The following LHFPL3 variants were observed in gnomAD, a reference collection of about 807,000 sequenced individuals.
The protein encoded by LHFPL3 is LHFPL tetraspan subfamily member 3 protein.
A neutral mutation model predicts 19.3 loss-of-function variants in LHFPL3; 5 were observed. The observed-to-expected ratio is 0.26, with a 90% CI of 0.14 to 0.54. The LOEUF (loss-of-function observed/expected upper bound fraction) is 0.54. Ranked by LOEUF, LHFPL3 falls within the 20% of genes least tolerant of loss-of-function variation. The pLI, the probability that LHFPL3 is intolerant of heterozygous loss-of-function variation, is 0.94. For synonymous variants in LHFPL3, 133 were observed against 126.2 expected, an observed-to-expected ratio of 1.05 and a Z score of -0.36; for missense variants, 249 against 307.4, an observed-to-expected ratio of 0.81 and a Z score of 1.42.
chr7:104,413,385 A>G (rs1791568242), intron 1 of LHFPL3, among the ~76,000 whole-genome samples: 2 of 152,144 alleles, frequency 1.3e-5, no homozygotes, highest in South Asian at 4.1e-4. Context: ...TTCACCATCC[A>G]TCTAAAAACA....
intron 1 of LHFPL3, among the ~76,000 whole-genome samples, chr7:104,624,238 A>G (rs1022363126): frequency 1.3e-5 from 2 of 152,222 alleles, no homozygotes; most frequent in African/African-American, 4.8e-5. Flanking sequence ...TCTCCAAAAC[A>G]TTCAGGATGT....
rs1037869117 is a variant in LHFPL3 at position 104,529,117 on chromosome 7, G to A, written c.445+199893G>A. On this transcript the variant is annotated intron_variant, in intron 1 of 2. Coordinates refer to ENST00000424859, the MANE Select transcript of LHFPL3 (RefSeq NM_199000.3). ...TGCTTCCTTCCCGAGAGGCCCAGGA[G>A]ATGGCTTATTACCTCTTTTGATTCT... Among the ~76,000 whole-genome samples the A allele has an allele frequency of 2.0e-5, 3 of 152,158 alleles. No individual in the cohort carries two copies. The South Asian group carries it at 6.2e-4, about 32-fold the overall frequency.
chr7:104,718,058 A>G (rs1398514806), intron 1 of LHFPL3, among the ~76,000 whole-genome samples: 1 of 152,214 alleles, frequency 6.6e-6, no homozygotes, highest in Non-Finnish European at 1.5e-5. Flanking sequence ...AGCCAGTCAC[A>G]GAAGGACAAA....
At chr7:104,358,460 C>T (rs906218027) in intron 1 of LHFPL3, among the ~76,000 whole-genome samples, 10 of 152,234 alleles carry the variant, frequency 6.6e-5, no homozygotes, top group East Asian at 3.9e-4. Flanking sequence ...TGTTTTAGCA[C>T]GGGATTTACC....
rs187509835 is a variant in LHFPL3 at position 104,664,278 on chromosome 7, T to C, written c.446-72397T>C. The stretch of plus-strand genomic sequence containing the variant: ...TACATTAGGCAGTCTTGTACCAAAT[T>C]AGCCATTTTACTCAAATATTCTTTC... On this transcript the variant is annotated intron_variant, in intron 1 of 2. Transcript: ENST00000424859. Among the ~76,000 whole-genome samples, 86 of 151,596 alleles carry C rather than the reference T, an allele frequency of 5.7e-4. 2 individuals are homozygous for C. The highest frequency in any genetic ancestry group is 5.3e-3 in the Admixed American group (80 of 15,154).
chr7:104,535,090 T>A (rs2115856554), intron 1 of LHFPL3, among the ~76,000 whole-genome samples: 1 of 152,322 alleles, frequency 6.6e-6, no homozygotes, highest in African/African-American at 2.4e-5. Context: ...TCCTAACCCA[T>A]GTTCCAGCTG....
At chr7:104,670,923 A>T (rs1214308644) in intron 1 of LHFPL3, among the ~76,000 whole-genome samples, 3 of 151,172 alleles carry the variant, frequency 2.0e-5, no homozygotes, top group Non-Finnish European at 4.4e-5. Flanking sequence ...AGAACTATTT[A>T]ACAAGGTCCT....
Position 104,593,862 on chromosome 7 carries a change from C to T in LHFPL3, c.446-142813C>T, listed in dbSNP as rs184749539. On this transcript the variant is annotated intron_variant, in intron 1 of 2. Transcript: ENST00000424859. ...TCTGTTTTATCAGATACTAGGATTG[C>T]GACCCCTGCTTTTTTTTTGCATTCC... Among the ~76,000 whole-genome samples the T allele has an allele frequency of 2.7e-3, 404 of 149,320 alleles. 1 individual carries two copies. Among genetic ancestry groups the T allele is most frequent in the African/African-American group, 9.4e-3 (385 of 40,910 alleles).
chr7:104,846,053 GA>G (rs1376119878), intron 2 of LHFPL3, among the ~76,000 whole-genome samples: 1 of 152,196 alleles, frequency 6.6e-6, no homozygotes, highest in Non-Finnish European at 1.5e-5. Flanking sequence ...GACTACGAAG[GA>G]AAAAGAATAA....
chr7:104,341,707 C>A (rs1232494057), intron 1 of LHFPL3, among the ~76,000 whole-genome samples: 1 of 152,146 alleles, frequency 6.6e-6, no homozygotes, highest in Non-Finnish European at 1.5e-5. Flanking sequence ...AGCCCCAGTT[C>A]ACTTTGCTGA....
chr7:104,507,347 A>G (rs1318679104), intron 1 of LHFPL3, among the ~76,000 whole-genome samples: 1 of 147,356 alleles, frequency 6.8e-6, no homozygotes, highest in African/African-American at 2.5e-5. Context: ...GAGAAAAACA[A>G]GCACTGGGGA....
chr7:104,897,330 G>C (rs1792386649), intron 2 of LHFPL3, among the ~76,000 whole-genome samples: 2 of 152,206 alleles, frequency 1.3e-5, no homozygotes, highest in South Asian at 2.1e-4. Flanking sequence ...TAGATCTTGG[G>C]TATAAATTGC....
chr7:104,772,230 A>G (rs1794566067), intron 2 of LHFPL3, among the ~76,000 whole-genome samples: 1 of 152,008 alleles, frequency 6.6e-6, no homozygotes, highest in Non-Finnish European at 1.5e-5. Flanking sequence ...TATTCTCCCA[A>G]CCCAGAGGGA....
At chr7:104,478,641 T>C (rs906500714) in intron 1 of LHFPL3, among the ~76,000 whole-genome samples, 7 of 152,182 alleles carry the variant, frequency 4.6e-5, no homozygotes, top group Non-Finnish European at 1.0e-4. Flanking sequence ...CTTTGAATGA[T>C]ACAGTGTGTT....
At chr7:104,396,659 A>AT (rs1426886526) in intron 1 of LHFPL3, among the ~76,000 whole-genome samples, 4 of 150,954 alleles carry the variant, frequency 2.6e-5, no homozygotes, top group African/African-American at 9.7e-5. Flanking sequence ...AAAAAAAAAG[A>AT]TAAAAAGTGT....
At chr7:104,726,668 C>T (rs1211325991) in intron 1 of LHFPL3, among the ~76,000 whole-genome samples, 2 of 152,042 alleles carry the variant, frequency 1.3e-5, no homozygotes, top group Admixed American at 1.3e-4. Context: ...GATTTCAGTC[C>T]TTTTTATGGA....
intron 1 of LHFPL3, among the ~76,000 whole-genome samples, chr7:104,701,064 G>C (rs1304344507): frequency 6.6e-6 from 1 of 152,170 alleles, no homozygotes; most frequent in Non-Finnish European, 1.5e-5. Flanking sequence ...TAAACTTTGA[G>C]TCTGTATGCC....
At chr7:104,446,142 G>GA (rs1261640497) in intron 1 of LHFPL3, among the ~76,000 whole-genome samples, 5 of 152,114 alleles carry the variant, frequency 3.3e-5, no homozygotes, top group Admixed American at 2.6e-4. Flanking sequence ...TCCCAAAAAT[G>GA]AAAAAGAAAA....
chr7:104,360,074 A>G (rs533416661), intron 1 of LHFPL3, among the ~76,000 whole-genome samples: 45 of 152,236 alleles, frequency 3.0e-4, no homozygotes, highest in Non-Finnish European at 5.7e-4. Flanking sequence ...CCGTTGCACC[A>G]TGGTAACAAG....
Sources: allele counts gnomAD v4.1 joint callset (sites outside exome capture counted in the v4.1 genomes callset), GRCh38; gene constraint gnomAD v4.1.1; transcripts MANE v1.5; gene names NCBI Gene and HGNC (gene_info 2026-07-23, HGNC 2026-07-21).